GBF1: variants seen among roughly 807,000 people sequenced by gnomAD.
The protein encoded by GBF1 is Golgi-specific brefeldin A-resistance guanine nucleotide exchange factor 1.
A neutral mutation model predicts 210.5 loss-of-function variants in GBF1; 114 were observed. The observed-to-expected ratio is 0.54, with a 90% confidence interval of 0.47 to 0.63. The LOEUF is 0.63. Ranked by LOEUF, GBF1 falls within the 30% of genes least tolerant of loss-of-function variation. GBF1 has a pLI of 0.00. For missense variants in GBF1, 1,851 were observed against 2,357.7 expected (o/e 0.79, Z 4.45); for synonymous variants, 850 against 889.2 (o/e 0.96, Z 0.78).
chr10:102,360,260 C>A lies in GBF1; in HGVS notation c.1257C>A (p.His419Gln). 6.2e-7 allele frequency: 1 copy of A among 1,613,596 alleles called. No individual in the cohort carries two copies. The highest frequency in any genetic ancestry group is 1.1e-5 in the South Asian group (1 of 91,074). The part of the protein sequence containing the change: ...FRFLISLTNP[H>Q]DRHNSEVMIH... The stretch of plus-strand genomic sequence containing the variant: ...TCCTCATCTCCCTCACCAATCCACA[C>A]GACCGCCATAACTCAGAGGTTATGA... The change falls in exon 12 of 40, where the codon CAC becomes CAA. Residue 419 changes from histidine to glutamine, a missense_variant. Physicochemically the swap from His to Gln is conservative, Grantham distance 24. Around this residue, in one of 3 missense-constraint regions of GBF1, gnomAD observed 804 missense variants for 958.6 expected, o/e 0.84. Coordinates refer to ENST00000369983, the MANE Select transcript of GBF1 (RefSeq NM_001377137.1).
At chr10:102,287,436 C>T (rs1323299821) in intron 3 of GBF1, among the ~76,000 whole-genome samples, 1 of 147,946 alleles carries the variant, frequency 6.8e-6, no homozygotes, top group East Asian at 2.0e-4. Context: ...GATCCTCCCA[C>T]CTTGGCCTCC....
At chr10:102,271,262 C>T (rs1298516497) in intron 3 of GBF1, among the ~76,000 whole-genome samples, 1 of 152,170 alleles carries the variant, frequency 6.6e-6, no homozygotes, top group Non-Finnish European at 1.5e-5. Context: ...TGGTCTCAAT[C>T]TCCTGACCTC....
At chr10:102,334,676 C>A (rs1007827828) in intron 3 of GBF1, among the ~76,000 whole-genome samples, 4 of 151,992 alleles carry the variant, frequency 2.6e-5, no homozygotes, top group Non-Finnish European at 5.9e-5. Flanking sequence ...GGTGAAACCC[C>A]GTCTCTACTG....
At chr10:102,298,173 T>TC (rs1385165099) in intron 3 of GBF1, among the ~76,000 whole-genome samples, 1 of 151,888 alleles carries the variant, frequency 6.6e-6, no homozygotes, top group Non-Finnish European at 1.5e-5. Context: ...GACCTCGTGA[T>TC]CCCCCCGCCT....
At chr10:102,263,304 GAGAGAA>G (rs2073460534) in intron 3 of GBF1, among the ~76,000 whole-genome samples, 1 of 152,174 alleles carries the variant, frequency 6.6e-6, no homozygotes, top group Non-Finnish European at 1.5e-5. Context: ...TTTTAACTTG[GAGAGAA>G]AACTGAAGGG....
chr10:102,263,000 G>A (rs1351341075), intron 3 of GBF1, among the ~76,000 whole-genome samples: 1 of 152,168 alleles, frequency 6.6e-6, no homozygotes, highest in African/African-American at 2.4e-5. Context: ...TCTTGAAATG[G>A]TGCCTGCCAA....
rs751493452 is a variant in GBF1 at position 102,361,152 on chromosome 10, A to G, written c.1491+32A>G. ...TTCTTGATGTGGAAAGAAAAGGGGG[A>G]AAAAAAATAGGGAGATATATGGCAT... On this transcript the variant is annotated intron_variant, in intron 13 of 39. Coordinates refer to ENST00000369983, the MANE Select transcript of GBF1 (RefSeq NM_001377137.1). 26 of 1,113,390 alleles carry G rather than the reference A, an allele frequency of 2.3e-5. 1 individual carries two copies. Among genetic ancestry groups the G allele is most frequent in the Admixed American group, 1.2e-4 (7 of 59,176 alleles). The allele number at this position is 1,113,390 out of a possible 1,614,324, so 69.0% of individuals were successfully genotyped here.
At chr10:102,315,207 C>G (rs1158957631) in intron 3 of GBF1, among the ~76,000 whole-genome samples, 1 of 152,212 alleles carries the variant, frequency 6.6e-6, no homozygotes, top group East Asian at 1.9e-4. Context: ...TTGAAGACTA[C>G]TATGTTCATG....
rs181827018 is a variant in GBF1, at chr10:102,252,485, A to G, written c.-10-6444A>G. ...TATCAGGTGGACAAGAGTGAGAAAA[A>G]ACATTCAGAATAGAAAGGGAGCTTC... On this transcript the variant is annotated intron_variant, in intron 1 of 39. Transcript: ENST00000369983. Among the ~76,000 whole-genome samples, 7 of 152,292 alleles carry G rather than the reference A, an allele frequency of 4.6e-5. No homozygotes were observed. The East Asian group carries it at 1.3e-3, about 29-fold the overall frequency.
intron 3 of GBF1, among the ~76,000 whole-genome samples, chr10:102,303,057 A>G (rs1024389709): frequency 1.4e-5 from 2 of 144,826 alleles, no homozygotes; most frequent in Admixed American, 7.2e-5. Flanking sequence ...GTACGATGTC[A>G]ACTCACTGCA....
intron 3 of GBF1, among the ~76,000 whole-genome samples, chr10:102,307,124 G>C (rs915817419): frequency 6.6e-6 from 1 of 151,938 alleles, no homozygotes; most frequent in Non-Finnish European, 1.5e-5. Flanking sequence ...CAGGCCTTGT[G>C]CTGTAGAGGC....
Position 102,372,044 on chromosome 10 carries a change from C to G in GBF1, c.3660+1184C>G, listed in dbSNP as rs1317925028. 2.6e-5 allele frequency among the ~76,000 whole-genome samples: 4 copies of G among 151,706 alleles called. No individual in the cohort carries two copies. In the East Asian group the frequency reaches 7.7e-4, roughly 29 times the overall value. On this transcript the variant is annotated intron_variant, in intron 29 of 39. Coordinates refer to ENST00000369983, the MANE Select transcript of GBF1 (RefSeq NM_001377137.1). ...CAGCCTGACTAACGTGGTGAAACCC[C>G]GTCTCTACTAAAAATAGAAAAATTA... is the stretch of plus-strand genomic sequence containing the variant.
intron 8 of GBF1, among the ~76,000 whole-genome samples, chr10:102,355,782 T>G (rs546135608): frequency 9.8e-5 from 15 of 152,330 alleles, no homozygotes; most frequent in African/African-American, 3.6e-4. Flanking sequence ...ATCCAGTTCT[T>G]AGTACTTTTG....
In GBF1 at chr10:102,351,341, C is replaced by T; in HGVS notation, c.381C>T (p.Ala127=). The change falls in exon 5 of 40, where the codon GCC becomes GCT. Residue 127 remains alanine (A), a synonymous_variant. Coordinates refer to ENST00000369983, the MANE Select transcript of GBF1 (RefSeq NM_001377137.1). The stretch of plus-strand genomic sequence containing the variant: ...CTCGTTTTGTGGGCACGGATCCTGC[C>T]AGTGATGAAGTTGTCCTGATGAAAA... ...THARFVGTDP[A]SDEVVLMKIL... is the part of the protein sequence containing the mutation. 1 of 1,605,284 alleles carries T rather than the reference C, an allele frequency of 6.2e-7. No homozygotes were observed. The highest frequency in any genetic ancestry group is 8.5e-7 in the Non-Finnish European group (1 of 1,171,948).
chr10:102,382,506 A>C lies in GBF1; in HGVS notation c.*170A>C. 1.7e-6 allele frequency: 1 copy of C among 587,380 alleles called. No homozygotes were observed. Among genetic ancestry groups the C allele is most frequent in the Non-Finnish European group, 2.9e-6 (1 of 341,446 alleles). The allele number at this position is 587,380 out of a possible 1,614,324, so 36.4% of individuals were successfully genotyped here. ...GTTGATAGCCCCAGCTAAGACCCCC[A>C]ATCAGCTGTGGGACCTTTTTCCTCC... is the stretch of plus-strand genomic sequence containing the variant. On this transcript the variant is annotated 3_prime_UTR_variant, in exon 40 of 40. Transcript: ENST00000369983.
chr10:102,366,284 T>C lies in GBF1; in HGVS notation c.2310-99T>C, dbSNP rs2059908049. On this transcript the variant is annotated intron_variant, in intron 18 of 39. Transcript: ENST00000369983. This position sits in a 1 kb window ranked among gnomAD's most constrained non-coding sequence, Gnocchi z 4.0. ...CCCTTTACTAGAGACCTCAGCCTCC[T>C]CTCTTCCAGTAAGAGTAGGTTAGGA... is the stretch of plus-strand genomic sequence containing the variant. 1 of 1,315,486 alleles carries C rather than the reference T, an allele frequency of 7.6e-7. No homozygotes were observed. Among genetic ancestry groups the C allele is most frequent in the Non-Finnish European group, 1.1e-6 (1 of 924,620 alleles). 81.5% of individuals were successfully genotyped at this position (1,315,486 alleles called of 1,614,324 possible). A position where few individuals can be genotyped will look rare whatever the true frequency, so the allele number is the denominator to read the frequency against.
chr10:102,266,592 C>T (rs1357236579), intron 3 of GBF1, among the ~76,000 whole-genome samples: 1 of 152,166 alleles, frequency 6.6e-6, no homozygotes, highest in African/African-American at 2.4e-5. Context: ...AATGGATGAC[C>T]ATGAGTGAGA....
Position 102,313,014 on chromosome 10 carries a change from G to A in GBF1, c.164-31037G>A, listed in dbSNP as rs142303328. On this transcript the variant is annotated intron_variant, in intron 3 of 39. Transcript: ENST00000369983. ...ACACCTTAGCCCTGTGTGCAGGGCT[G>A]TGGTGTCTTATAGATACAGTACTTT... is the stretch of plus-strand genomic sequence containing the variant. Among the ~76,000 whole-genome samples, 752 of 152,276 alleles carry A rather than the reference G, an allele frequency of 4.9e-3. 4 individuals are homozygous for A. The highest frequency in any genetic ancestry group is 6.7e-3 in the Non-Finnish European group (459 of 68,024).
intron 1 of GBF1, among the ~76,000 whole-genome samples, chr10:102,254,571 A>C (rs866877594): frequency 6.6e-6 from 1 of 152,116 alleles, no homozygotes. Context: ...GATCCTGTTG[A>C]GGTAACTGGG....
Sources: gnomAD v4.1 joint callset for allele counts (sites outside exome capture counted in the v4.1 genomes callset) on GRCh38, gnomAD v4.1.1 for gene constraint, gnomAD v4.1.1 regional missense constraint, Gnocchi (gnomAD v3.1) non-coding constraint, MANE v1.5 for transcripts, NCBI Gene and HGNC (gene_info 2026-07-23, HGNC 2026-07-21) for gene names.